The following UPF2 variants were observed in gnomAD, a reference collection of about 807,000 sequenced individuals.
UPF2 encodes the protein regulator of nonsense transcripts 2.
In UPF2, 17 loss-of-function variants were observed where a neutral mutation model predicts 141.4. The observed-to-expected ratio is 0.12, with a 90% CI of 0.08 to 0.18. The LOEUF is 0.18. UPF2 is among the 10% of genes least tolerant of loss of function. The pLI is 1.00. For missense variants in UPF2, 1,152 were observed against 1,515.9 expected (o/e 0.76, Z 3.99); for synonymous variants, 540 against 498.0 (o/e 1.08, Z -1.12).
chr10:11,945,149 C>T (rs955282082), intron 16 of UPF2, among the ~76,000 whole-genome samples: 6 of 152,152 alleles, frequency 3.9e-5, no homozygotes, highest in South Asian at 2.1e-4. Flanking sequence ...GGAGTTATCA[C>T]GGAAGAACAT....
intron 8 of UPF2, among the ~76,000 whole-genome samples, chr10:11,993,454 A>G (rs1247617895): frequency 6.6e-6 from 1 of 152,126 alleles, no homozygotes; most frequent in African/African-American, 2.4e-5. Context: ...CTGAATCATT[A>G]TTTAATCATG....
chr10:12,007,837 A>G (rs58284159), intron 4 of UPF2, among the ~76,000 whole-genome samples: 3,870 of 105,284 alleles, frequency 0.037, 151 homozygotes, highest in African/African-American at 0.12. Context: ...TCTCAAAGTA[A>G]TAATAATAAT....
intron 3 of UPF2, among the ~76,000 whole-genome samples, chr10:12,017,118 A>G (rs545462236): frequency 2.0e-4 from 31 of 152,302 alleles, no homozygotes; most frequent in Non-Finnish European, 3.2e-4. Context: ...AAAAAAAATT[A>G]AAGAACAAAA....
chr10:11,937,571 G>C (rs1425801801), intron 18 of UPF2, among the ~76,000 whole-genome samples: 2 of 152,198 alleles, frequency 1.3e-5, no homozygotes, highest in Non-Finnish European at 2.9e-5. Context: ...AATCGAGGCA[G>C]GGGAAGAACA....
intron 9 of UPF2, among the ~76,000 whole-genome samples, chr10:11,977,822 A>G (rs1833530938): frequency 6.6e-6 from 1 of 152,240 alleles, no homozygotes; most frequent in Non-Finnish European, 1.5e-5. Context: ...GAGAATTCTT[A>G]CAACAAAACA....
At position 11,920,125 on chromosome 10, in the gene UPF2, GTTT is replaced by G. The variant is rs1351876003; in HGVS notation, c.*1170_*1172del. ...GAAATGTTACAACTTTACAAGTTTT[GTTT>G]TTTATTTAAATCTACATGCAGAAAC... On this transcript the variant is annotated 3_prime_UTR_variant, in exon 22 of 22. Transcript: ENST00000357604. The G allele has an allele frequency of 6.6e-6, 1 of 152,120 alleles. No individual in the cohort carries two copies. The highest frequency in any genetic ancestry group is 1.5e-5 in the Non-Finnish European group (1 of 68,008). 9.4% of individuals were successfully genotyped at this position (152,120 alleles called of 1,614,324 possible).
At chr10:11,978,350 T>G (rs2131226059) in intron 9 of UPF2, among the ~76,000 whole-genome samples, 1 of 152,334 alleles carries the variant, frequency 6.6e-6, no homozygotes, top group Middle Eastern at 3.4e-3. Context: ...TTTCACAGTC[T>G]AACAATGTCC....
At chr10:12,041,033 C>G (rs986336496) in intron 1 of UPF2, among the ~76,000 whole-genome samples, 1 of 152,290 alleles carries the variant, frequency 6.6e-6, no homozygotes, top group African/African-American at 2.4e-5. Context: ...CACTCACTAC[C>G]CAGTGCTTTT....
intron 20 of UPF2, among the ~76,000 whole-genome samples, chr10:11,930,218 T>G (rs759234626): frequency 2.6e-5 from 4 of 152,228 alleles, no homozygotes; most frequent in African/African-American, 9.6e-5. Flanking sequence ...AGCCACCACA[T>G]AGCTATATTA....
At chr10:11,981,168 G>T (rs111627445) in intron 8 of UPF2, among the ~76,000 whole-genome samples, 1 of 151,676 alleles carries the variant, frequency 6.6e-6, no homozygotes, top group East Asian at 1.9e-4. Context: ...GTCTCAAAAA[G>T]ATTTAAAAAA....
intron 3 of UPF2, among the ~76,000 whole-genome samples, chr10:12,026,286 T>TTTTATTTAGTTTAGAAATAAA (rs1834417893): frequency 6.6e-6 from 1 of 152,242 alleles, no homozygotes; most frequent in Admixed American, 6.5e-5. Flanking sequence ...AAAGCTTCAG[T>TTTTATTTAGTTTAGAAATAAA]GCAAATAAGT....
intron 18 of UPF2, among the ~76,000 whole-genome samples, chr10:11,938,853 G>GTTTTTTTTTTGTTTTTTT (rs1832890354): frequency 2.5e-5 from 2 of 79,832 alleles, no homozygotes; most frequent in South Asian, 3.9e-4. Context: ...TTTTTTTTTT[G>GTTTTTTTTTTGTTTTTTT]TTTTTTTTTT....
intron 8 of UPF2, among the ~76,000 whole-genome samples, chr10:11,987,761 C>CAAAAAAAAA (rs572687103): frequency 7.4e-5 from 4 of 54,144 alleles, no homozygotes; most frequent in Non-Finnish European, 9.3e-5. Context: ...GACTCTGCCT[C>CAAAAAAAAA]AAAAAAAAAA....
chr10:12,004,497 A>T, intron 5 of UPF2, 33 bp downstream of exon 5: 1 of 1,538,658 alleles, frequency 6.5e-7, no homozygotes, highest in Non-Finnish European at 8.8e-7. Flanking sequence ...TTCTTATAGC[A>T]CTTAATGTAA....
intron 8 of UPF2, among the ~76,000 whole-genome samples, chr10:11,993,505 C>T (rs549770114): frequency 3.1e-4 from 47 of 149,264 alleles, no homozygotes; most frequent in Non-Finnish European, 5.8e-4. Flanking sequence ...TAATTAGAGA[C>T]AAAGTAAACT....
chr10:11,995,716 G>A (rs1833854570), intron 8 of UPF2, among the ~76,000 whole-genome samples: 1 of 152,104 alleles, frequency 6.6e-6, no homozygotes, highest in Non-Finnish European at 1.5e-5. Context: ...CCTGGAGTCG[G>A]AGGTTGCAGT....
Position 11,936,697 on chromosome 10 carries a change from A to T in UPF2, c.3394T>A (p.Ser1132Thr). ...ACATCTAGTTGGTGCACTTTAACAG[A>T]TTCACCACTTCGTTGCTAAAAGAAA... ...LENLQQRSGESVKVHQLDVAI... is the reference protein window; with the variant it reads ...LENLQQRSGETVKVHQLDVAI... Residue 1132 changes from serine to threonine, a missense_variant, in exon 19 of 22, where the codon TCT becomes ACT. By Grantham distance (58) the Ser-to-Thr change is moderately conservative. Coordinates refer to ENST00000357604, the MANE Select transcript of UPF2 (RefSeq NM_015542.4). The surrounding 1 kb of genome is among the most constrained non-coding windows in gnomAD (Gnocchi z 6.6). 1 of 1,606,868 alleles carries T rather than the reference A, an allele frequency of 6.2e-7. No individual in the cohort carries two copies. Among genetic ancestry groups the T allele is most frequent in the Non-Finnish European group, 8.5e-7 (1 of 1,176,988 alleles).
At chr10:11,966,942 C>T (rs1833331150) in intron 10 of UPF2, among the ~76,000 whole-genome samples, 1 of 152,168 alleles carries the variant, frequency 6.6e-6, no homozygotes, top group Non-Finnish European at 1.5e-5. Context: ...ATATTTTTAA[C>T]CTCTATGATA....
intron 12 of UPF2, among the ~76,000 whole-genome samples, chr10:11,958,262 C>A (rs903278719): frequency 2.0e-5 from 3 of 152,172 alleles, no homozygotes; most frequent in African/African-American, 7.2e-5. Flanking sequence ...ATCAGCAGAG[C>A]TCTAAACCAT....
Sources: gnomAD v4.1 joint callset for allele counts (sites outside exome capture counted in the v4.1 genomes callset) on GRCh38, gnomAD v4.1.1 for gene constraint, Gnocchi (gnomAD v3.1) non-coding constraint, MANE v1.5 for transcripts, NCBI Gene and HGNC (gene_info 2026-07-23, HGNC 2026-07-21) for gene names.